PTPRO: variants seen among roughly 807,000 people sequenced by gnomAD.
The protein encoded by PTPRO is protein tyrosine phosphatase receptor type O.
A neutral mutation model predicts 145.2 loss-of-function variants in PTPRO; 62 were observed. That is an observed-to-expected ratio of 0.43 (90% CI 0.35 to 0.53). The LOEUF (loss-of-function observed/expected upper bound fraction) is 0.53, where lower values mean the gene tolerates loss of function less well. Among genes scored for constraint, PTPRO ranks in the 20% least tolerant of loss-of-function variants. The pLI is 0.01. For synonymous variants in PTPRO, 565 were observed against 514.7 expected (o/e 1.10, Z -1.32); for missense variants, 1,345 against 1,482.7 (o/e 0.91, Z 1.53).
rs377165381 is a variant in PTPRO, at chr12:15,402,200, C to T, written c.75+79399C>T. Among the ~76,000 whole-genome samples the T allele has an allele frequency of 2.4e-4, 37 of 152,154 alleles. 1 individual carries two copies. The East Asian group carries it at 5.6e-3, about 23-fold the overall frequency. On this transcript the variant is annotated intron_variant, in intron 1 of 26. Coordinates refer to ENST00000281171, the MANE Select transcript of PTPRO (RefSeq NM_030667.3). ...GCCAGGAGATCGAGACCATCTTGGT[C>T]AACATGGTGAAACCTCATCTCTATT...
chr12:15,585,219 A>G (rs1192790243), intron 23 of PTPRO, among the ~76,000 whole-genome samples: 1 of 152,250 alleles, frequency 6.6e-6, no homozygotes, highest in Non-Finnish European at 1.5e-5. Context: ...TATGATCAGC[A>G]TTTAAACAGG....
chr12:15,579,335 A>G (rs1475189264), intron 20 of PTPRO, among the ~76,000 whole-genome samples: 1 of 152,240 alleles, frequency 6.6e-6, no homozygotes, highest in African/African-American at 2.4e-5. Flanking sequence ...CTGACAAGTT[A>G]TATAGTTGCT....
At chr12:15,427,409 A>T (rs10846173) in intron 1 of PTPRO, among the ~76,000 whole-genome samples, 20,062 of 151,878 alleles carry the variant, frequency 0.13, 1,510 homozygotes, top group African/African-American at 0.21. Flanking sequence ...TATCTTGCTG[A>T]TATATAGAAA....
At chr12:15,439,852 G>A in intron 1 of PTPRO, 1 of 627,592 alleles carries the variant, frequency 1.6e-6, no homozygotes, top group South Asian at 1.7e-5. Flanking sequence ...TGAAGATTAT[G>A]ATGGTGCAGA....
chr12:15,480,694 T>A (rs753874277), intron 1 of PTPRO, among the ~76,000 whole-genome samples: 15 of 152,184 alleles, frequency 9.9e-5, no homozygotes, highest in Non-Finnish European at 1.9e-4. Flanking sequence ...CTGAAGCATC[T>A]GCCCTCTGGC....
intron 6 of PTPRO, among the ~76,000 whole-genome samples, 161 bp downstream of exon 6, chr12:15,504,230 G>C (rs1387829934): frequency 6.6e-6 from 1 of 152,154 alleles, no homozygotes; most frequent in East Asian, 1.9e-4. Flanking sequence ...GATAGCAGAG[G>C]AAATGAATGC....
At chr12:15,524,426 C>T (rs756741256) in intron 10 of PTPRO, among the ~76,000 whole-genome samples, 6 of 152,148 alleles carry the variant, frequency 3.9e-5, no homozygotes, top group Non-Finnish European at 8.8e-5. Flanking sequence ...TTGCAGGACT[C>T]TAAGTTTTTT....
At chr12:15,456,264 T>A (rs1421219937) in intron 1 of PTPRO, among the ~76,000 whole-genome samples, 1 of 152,210 alleles carries the variant, frequency 6.6e-6, no homozygotes, top group African/African-American at 2.4e-5. Context: ...TAACATGGTA[T>A]ATCACATTAG....
intron 1 of PTPRO, among the ~76,000 whole-genome samples, chr12:15,329,615 T>C (rs899427034): frequency 6.6e-5 from 10 of 152,228 alleles, no homozygotes; most frequent in African/African-American, 2.4e-4. Context: ...GAATAAAGAC[T>C]CACTGCCCAA....
chr12:15,522,379 A>C (rs965070503), intron 10 of PTPRO, among the ~76,000 whole-genome samples: 7 of 151,758 alleles, frequency 4.6e-5, no homozygotes, highest in Non-Finnish European at 8.8e-5. Flanking sequence ...TAAGCCCCGC[A>C]TACATTAGGT....
chr12:15,563,381 A>T (rs1000455245), intron 17 of PTPRO, among the ~76,000 whole-genome samples: 1 of 152,052 alleles, frequency 6.6e-6, no homozygotes, highest in Admixed American at 6.6e-5. Context: ...ATTTGCGTGA[A>T]TTTTCCCCTG....
At chr12:15,516,662 T>C in intron 8 of PTPRO, 101 bp from the exon 9 acceptor site, 1 of 1,003,584 alleles carries the variant, frequency 1.0e-6, no homozygotes, top group Non-Finnish European at 1.6e-6. Context: ...AGGTATTGTA[T>C]CAGAGAGTGA....
intron 12 of PTPRO, among the ~76,000 whole-genome samples, chr12:15,530,506 G>T (rs1336872025): frequency 6.6e-6 from 1 of 152,034 alleles, no homozygotes; most frequent in Non-Finnish European, 1.5e-5. Context: ...AATTCAAAAA[G>T]TACATATCAT....
chr12:15,583,673 T>G (rs1182213931), intron 23 of PTPRO, among the ~76,000 whole-genome samples: 3 of 152,216 alleles, frequency 2.0e-5, no homozygotes, highest in African/African-American at 7.2e-5. Flanking sequence ...CAACCAAAAC[T>G]ATATGATCTG....
At chr12:15,464,527 T>G (rs1201377993) in intron 1 of PTPRO, among the ~76,000 whole-genome samples, 1 of 139,154 alleles carries the variant, frequency 7.2e-6, no homozygotes, top group Non-Finnish European at 1.5e-5. Context: ...GCTAATTTTG[T>G]TTTTTTTTTT....
intron 2 of PTPRO, among the ~76,000 whole-genome samples, chr12:15,492,023 G>C (rs1335082510): frequency 1.3e-5 from 2 of 152,120 alleles, no homozygotes. Flanking sequence ...TACTACCGAG[G>C]TCCAAGGCTA....
chr12:15,368,390 T>G (rs531751796), intron 1 of PTPRO, among the ~76,000 whole-genome samples: 2 of 152,362 alleles, frequency 1.3e-5, no homozygotes, highest in East Asian at 3.9e-4. Flanking sequence ...CTGCAGCAAC[T>G]TCTAGCACCA....
chr12:15,400,771 A>G (rs1391283444), intron 1 of PTPRO, among the ~76,000 whole-genome samples: 1 of 152,228 alleles, frequency 6.6e-6, no homozygotes, highest in Non-Finnish European at 1.5e-5. Context: ...TGAACAAAAT[A>G]TACCAAAACT....
rs556742900 is a variant in PTPRO, at chr12:15,536,169, C to T, written c.2164+9907C>T. Among the ~76,000 whole-genome samples the T allele has an allele frequency of 7.2e-5, 11 of 152,252 alleles. No individual in the cohort carries two copies. In the East Asian group the frequency reaches 2.1e-3, roughly 29 times the overall value. On this transcript the variant is annotated intron_variant, in intron 12 of 26. Coordinates refer to ENST00000281171, the MANE Select transcript of PTPRO (RefSeq NM_030667.3). ...AACAAAACTGACAAAAATGTCAACC[C>T]TCATTCTAATGGAGAAAAGGAGATG...
Sources: allele counts gnomAD v4.1 joint callset (sites outside exome capture counted in the v4.1 genomes callset), GRCh38; gene constraint gnomAD v4.1.1; transcripts MANE v1.5; gene names NCBI Gene and HGNC (gene_info 2026-07-23, HGNC 2026-07-21).